The following IL15 variants were observed in gnomAD, a reference collection of about 807,000 sequenced individuals.
The protein encoded by IL15 is interleukin-15.
In IL15, 11 loss-of-function variants were observed where a neutral mutation model predicts 19.6. The ratio of observed to expected loss-of-function variants is 0.56; its 90% CI spans 0.35 to 0.93. IL15 has a LOEUF of 0.93. IL15 is among the 40% of genes least tolerant of loss of function. The pLI is 0.01. For missense variants in IL15, 197 were observed against 186.5 expected (o/e 1.06, Z -0.33); for synonymous variants, 58 against 59.6 (o/e 0.97, Z 0.12).
chr4:141,675,032 T>C (rs979006041), intron 2 of IL15, among the ~76,000 whole-genome samples: 9 of 152,164 alleles, frequency 5.9e-5, no homozygotes, highest in Non-Finnish European at 8.8e-5. Context: ...ATTCAGGTTG[T>C]TGGCAGAATT....
chr4:141,717,553 C>T (rs1285669621), intron 2 of IL15: 1 of 152,444 alleles, frequency 6.6e-6, no homozygotes, highest in African/African-American at 2.4e-5. Flanking sequence ...TTCCCAGCCT[C>T]CAGAACTGTG....
chr4:141,641,857 C>T lies in IL15; in HGVS notation c.-222+5109C>T, dbSNP rs1202767599. Among the ~76,000 whole-genome samples the T allele has an allele frequency of 6.0e-5, 9 of 149,532 alleles. 1 individual carries two copies. In the South Asian group the frequency reaches 1.7e-3, roughly 28 times the overall value. On this transcript the variant is annotated intron_variant, in intron 1 of 7. Transcript: ENST00000320650. ...AAGTATAATTTAAAAAAAAAAAAGC[C>T]GCAATGTGGTTTTCGAGCTTCTAGA...
chr4:141,667,731 G>T (rs944121918), intron 2 of IL15, among the ~76,000 whole-genome samples: 1 of 151,970 alleles, frequency 6.6e-6, no homozygotes, highest in African/African-American at 2.4e-5. Context: ...ACATCTTTTG[G>T]TTTTTTATTT....
At chr4:141,690,178 A>G (rs1365407517) in intron 2 of IL15, among the ~76,000 whole-genome samples, 1 of 152,168 alleles carries the variant, frequency 6.6e-6, no homozygotes, top group Non-Finnish European at 1.5e-5. Context: ...GCCCATGCCC[A>G]CACGGAACTC....
At chr4:141,648,205 A>T (rs1229558533) in intron 1 of IL15, among the ~76,000 whole-genome samples, 2 of 152,042 alleles carry the variant, frequency 1.3e-5, no homozygotes, top group Non-Finnish European at 2.9e-5. Flanking sequence ...TCAGGAAGGG[A>T]AATAGAATTT....
In IL15 at chr4:141,720,501, C is replaced by A; in HGVS notation, c.45C>A (p.Cys15Ter). ...KPHLRSISIQ[C>*]YLCLLLNSHF... ...ATTTGAGAAGTATTTCCATCCAGTG[C>A]TACTTGTGTTTACTTCTAAACAGTC... The change falls in exon 4 of 8, where the codon TGC (cysteine) becomes TGA (stop). Residue 15 changes from cysteine (C) to a stop codon, truncating the protein, a stop_gained. Coordinates refer to ENST00000320650, the MANE Select transcript of IL15 (RefSeq NM_000585.5). LOFTEE classifies it high-confidence loss of function. 6.3e-7 allele frequency: 1 copy of A among 1,594,702 alleles called. No individual in the cohort carries two copies. Among genetic ancestry groups the A allele is most frequent in the Non-Finnish European group, 8.6e-7 (1 of 1,163,016 alleles).
chr4:141,677,226 G>T (rs1728376663), intron 2 of IL15, among the ~76,000 whole-genome samples: 1 of 152,092 alleles, frequency 6.6e-6, no homozygotes, highest in East Asian at 1.9e-4. Flanking sequence ...ACCTGAGACA[G>T]CAAGACCAAC....
chr4:141,686,346 G>A (rs1013188285), intron 2 of IL15, among the ~76,000 whole-genome samples: 1 of 147,754 alleles, frequency 6.8e-6, no homozygotes, highest in Non-Finnish European at 1.5e-5. Flanking sequence ...ATAAAAGGTG[G>A]GAGGGACACA....
intron 1 of IL15, among the ~76,000 whole-genome samples, chr4:141,647,618 A>G (rs1051438305): frequency 9.9e-5 from 15 of 152,032 alleles, no homozygotes; most frequent in African/African-American, 3.6e-4. Flanking sequence ...ACCAGCTCCC[A>G]GGTCTTCAAA....
intron 2 of IL15, among the ~76,000 whole-genome samples, chr4:141,700,623 A>C (rs1275094302): frequency 6.6e-6 from 1 of 152,106 alleles, no homozygotes; most frequent in Admixed American, 6.6e-5. Context: ...TTGTGCAATT[A>C]ATTTCCCAGG....
At chr4:141,683,865 C>G (rs1160581512) in intron 2 of IL15, among the ~76,000 whole-genome samples, 1 of 152,146 alleles carries the variant, frequency 6.6e-6, no homozygotes, top group Non-Finnish European at 1.5e-5. Context: ...CTACTTTTAT[C>G]TACAGCAAGG....
intron 2 of IL15, among the ~76,000 whole-genome samples, chr4:141,672,161 A>T (rs1015496546): frequency 5.3e-5 from 8 of 152,210 alleles, no homozygotes; most frequent in Admixed American, 3.9e-4. Context: ...CTTCTAACCA[A>T]TAGGTTATGA....
chr4:141,640,322 A>G (rs1727000511), intron 1 of IL15, among the ~76,000 whole-genome samples: 1 of 152,094 alleles, frequency 6.6e-6, no homozygotes, highest in Admixed American at 6.6e-5. Context: ...AAAAAAAAAA[A>G]GACATGCAGA....
intron 1 of IL15, among the ~76,000 whole-genome samples, chr4:141,645,308 T>A (rs1578984806): frequency 6.6e-6 from 1 of 152,128 alleles, no homozygotes; most frequent in Non-Finnish European, 1.5e-5. Flanking sequence ...CTGTGAGACA[T>A]CATTTTAAAT....
At chr4:141,697,458 T>G (rs1729137146) in intron 2 of IL15, among the ~76,000 whole-genome samples, 1 of 152,158 alleles carries the variant, frequency 6.6e-6, no homozygotes, top group African/African-American at 2.4e-5. Context: ...CCTCCAGATT[T>G]GTTCTTTTTG....
chr4:141,728,290 C>A (rs1730336681), intron 6 of IL15, among the ~76,000 whole-genome samples: 1 of 152,036 alleles, frequency 6.6e-6, no homozygotes, highest in South Asian at 2.1e-4. Context: ...ATGCAAAAAT[C>A]AGATTAACTG....
rs1232521307 is a variant in IL15 at position 141,662,645 on chromosome 4, C to T, written c.-100+6338C>T. On this transcript the variant is annotated intron_variant, in intron 2 of 7. Transcript: ENST00000320650. ...TCAGCCTGACAATCTTAGTCTTTTA[C>T]GGAGTATTTAGTTCATTTTTATTTA... Among the ~76,000 whole-genome samples, 6 of 152,054 alleles carry T rather than the reference C, an allele frequency of 3.9e-5. No individual in the cohort carries two copies. In the East Asian group the frequency reaches 7.7e-4, roughly 20 times the overall value.
intron 2 of IL15, among the ~76,000 whole-genome samples, chr4:141,678,059 C>A (rs1301644231): frequency 6.6e-6 from 1 of 152,142 alleles, no homozygotes; most frequent in Non-Finnish European, 1.5e-5. Context: ...CAGTCTTAGT[C>A]CTATATAGCC....
At chr4:141,712,340 C>T (rs746885671) in intron 2 of IL15, among the ~76,000 whole-genome samples, 21 of 152,122 alleles carry the variant, frequency 1.4e-4, no homozygotes, top group Admixed American at 3.3e-4. Flanking sequence ...ATTTTTGCTG[C>T]CCTGAGGAAG....
Sources: gnomAD v4.1 joint callset for allele counts (sites outside exome capture counted in the v4.1 genomes callset) on GRCh38, gnomAD v4.1.1 for gene constraint, MANE v1.5 for transcripts, NCBI Gene and HGNC (gene_info 2026-07-23, HGNC 2026-07-21) for gene names.